The following GALNTL6 variants were observed in gnomAD, a reference collection of about 807,000 sequenced individuals.
The protein encoded by GALNTL6 is polypeptide N-acetylgalactosaminyltransferase-like 6.
GALNTL6 carries 46 observed loss-of-function variants against 73.7 expected under a neutral mutation model. That is an observed-to-expected ratio of 0.62 (90% CI 0.49 to 0.80). The LOEUF (loss-of-function observed/expected upper bound fraction) is 0.80. Ranked by LOEUF, GALNTL6 falls within the 30% of genes least tolerant of loss-of-function variation. The probability of loss-of-function intolerance (pLI) is 0.00; values close to 1 mark genes in which losing one functional copy is unlikely to be tolerated. For synonymous variants in GALNTL6, 259 were observed against 263.7 expected (o/e 0.98, Z 0.17); for missense variants, 604 against 755.0 (o/e 0.80, Z 2.34).
chr4:171,881,082 T>G (rs540757755), intron 2 of GALNTL6, among the ~76,000 whole-genome samples: 1 of 152,054 alleles, frequency 6.6e-6, no homozygotes, highest in African/African-American at 2.4e-5. Context: ...GTGAACAATC[T>G]CTATCCCTTT....
intron 2 of GALNTL6, among the ~76,000 whole-genome samples, chr4:172,131,259 T>C (rs1733484286): frequency 6.6e-6 from 1 of 151,276 alleles, no homozygotes; most frequent in Non-Finnish European, 1.5e-5. Flanking sequence ...ATCTCTTCCT[T>C]TTTGTAAATA....
At chr4:172,582,773 C>T (rs1346916322) in intron 5 of GALNTL6, among the ~76,000 whole-genome samples, 2 of 151,860 alleles carry the variant, frequency 1.3e-5, no homozygotes, top group Non-Finnish European at 1.5e-5. Flanking sequence ...CACACACACA[C>T]ACACACTCAA....
At chr4:172,999,963 A>G (rs976278356) in intron 10 of GALNTL6, among the ~76,000 whole-genome samples, 3 of 152,112 alleles carry the variant, frequency 2.0e-5, no homozygotes, top group East Asian at 3.8e-4. Flanking sequence ...TTTTGCCAAC[A>G]GAACAAGGTC....
intron 10 of GALNTL6, among the ~76,000 whole-genome samples, chr4:173,000,626 G>A (rs1397902761): frequency 2.0e-5 from 3 of 152,136 alleles, no homozygotes; most frequent in Non-Finnish European, 2.9e-5. Context: ...AACAAAGTTG[G>A]AGAACCCACA....
intron 2 of GALNTL6, among the ~76,000 whole-genome samples, chr4:171,820,030 T>A (rs1560800684): frequency 6.6e-6 from 1 of 152,160 alleles, no homozygotes; most frequent in Non-Finnish European, 1.5e-5. Flanking sequence ...GTACAGCTAA[T>A]GATTTCTAAA....
intron 2 of GALNTL6, among the ~76,000 whole-genome samples, chr4:172,049,183 T>C (rs1370304438): frequency 6.6e-6 from 1 of 152,128 alleles, no homozygotes; most frequent in Non-Finnish European, 1.5e-5. Flanking sequence ...ATATATTTCT[T>C]TGTGGGTCTA....
At chr4:172,835,692 G>A (rs777514427) in intron 7 of GALNTL6, among the ~76,000 whole-genome samples, 1 of 152,126 alleles carries the variant, frequency 6.6e-6, no homozygotes, top group African/African-American at 2.4e-5. Context: ...AATGCACTCC[G>A]ATTGGTCAGG....
chr4:172,218,136 G>C (rs1736553648), intron 2 of GALNTL6, among the ~76,000 whole-genome samples: 1 of 152,040 alleles, frequency 6.6e-6, no homozygotes, highest in Admixed American at 6.6e-5. Context: ...CTGGAATGTA[G>C]CCTTCATAAG....
intron 9 of GALNTL6, among the ~76,000 whole-genome samples, chr4:172,945,058 C>CAAAAAAAAAAAAAAA (rs200461415): frequency 1.3e-5 from 1 of 76,896 alleles, no homozygotes; most frequent in African/African-American, 5.4e-5. Context: ...AATTCCATCT[C>CAAAAAAAAAAAAAAA]AAAAAAAAAA....
chr4:172,943,869 A>G (rs890376987), intron 9 of GALNTL6, among the ~76,000 whole-genome samples: 2 of 152,202 alleles, frequency 1.3e-5, no homozygotes, highest in Non-Finnish European at 2.9e-5. Context: ...ACATAAAGGT[A>G]TAAAGGTATA....
intron 5 of GALNTL6, among the ~76,000 whole-genome samples, chr4:172,367,744 A>G (rs1008564966): frequency 1.2e-4 from 19 of 152,190 alleles, no homozygotes; most frequent in Admixed American, 1.1e-3. Flanking sequence ...TTGTACATCT[A>G]CAAATAAAAT....
intron 5 of GALNTL6, among the ~76,000 whole-genome samples, chr4:172,587,088 C>T (rs966678735): frequency 3.3e-5 from 5 of 152,076 alleles, no homozygotes; most frequent in Admixed American, 6.6e-5. Context: ...GTGAAGAATG[C>T]CTATGTGTGT....
intron 5 of GALNTL6, among the ~76,000 whole-genome samples, chr4:172,526,837 C>G (rs1734974855): frequency 6.6e-6 from 1 of 151,824 alleles, no homozygotes; most frequent in South Asian, 2.1e-4. Flanking sequence ...CTCCCACCCC[C>G]CCTGCCCTGA....
chr4:172,023,762 C>A (rs146515962), intron 2 of GALNTL6, among the ~76,000 whole-genome samples: 1 of 151,746 alleles, frequency 6.6e-6, no homozygotes, highest in Non-Finnish European at 1.5e-5. Context: ...TCTTTATATT[C>A]GAGTAAGTTG....
chr4:172,164,976 C>T (rs1169282517), intron 2 of GALNTL6, among the ~76,000 whole-genome samples: 1 of 152,030 alleles, frequency 6.6e-6, no homozygotes, highest in Non-Finnish European at 1.5e-5. Flanking sequence ...GCCTTATCAA[C>T]CTGTGCAGTC....
chr4:172,846,366 C>G (rs912218487), intron 7 of GALNTL6, among the ~76,000 whole-genome samples: 2 of 152,098 alleles, frequency 1.3e-5, no homozygotes, highest in Non-Finnish European at 2.9e-5. Flanking sequence ...TACATTTTCA[C>G]TGCTAAACAA....
intron 2 of GALNTL6, among the ~76,000 whole-genome samples, chr4:171,829,021 C>A (rs1272942503): frequency 6.6e-6 from 1 of 152,062 alleles, no homozygotes; most frequent in Non-Finnish European, 1.5e-5. Context: ...GCAAAATATG[C>A]ATTAATTGAC....
At chr4:172,547,204 A>G (rs115499893) in intron 5 of GALNTL6, among the ~76,000 whole-genome samples, 1 of 152,178 alleles carries the variant, frequency 6.6e-6, no homozygotes, top group African/African-American at 2.4e-5. Context: ...AGTGGTTAGA[A>G]TGCAGGCCTT....
At chr4:172,158,209 T>C (rs898661070) in intron 2 of GALNTL6, among the ~76,000 whole-genome samples, 1 of 152,202 alleles carries the variant, frequency 6.6e-6, no homozygotes, top group African/African-American at 2.4e-5. Flanking sequence ...TGCTAGGATA[T>C]ATAACTATCA....
Sources: allele counts gnomAD v4.1 joint callset (sites outside exome capture counted in the v4.1 genomes callset), GRCh38; gene constraint gnomAD v4.1.1; transcripts MANE v1.5; gene names NCBI Gene and HGNC (gene_info 2026-07-23, HGNC 2026-07-21).